The following NAA16 variants were observed in gnomAD, a reference collection of about 807,000 sequenced individuals.
The protein encoded by NAA16 is NARG1-like protein.
A neutral mutation model predicts 110.3 loss-of-function variants in NAA16; 97 were observed. The ratio of observed to expected loss-of-function variants is 0.88; its 90% confidence interval spans 0.75 to 1.04. The LOEUF (loss-of-function observed/expected upper bound fraction) is 1.04. NAA16 is among the 50% of genes least tolerant of loss of function. The probability of loss-of-function intolerance (pLI) is 0.00; values close to 1 mark genes in which losing one functional copy is unlikely to be tolerated. For missense variants in NAA16, 1,017 were observed against 1,005.1 expected, an observed-to-expected ratio of 1.01 and a Z score of -0.16; for synonymous variants, 372 against 330.6, an observed-to-expected ratio of 1.13 and a Z score of -1.36.
Position 41,320,651 on chromosome 13 carries a change from T to C in NAA16, c.245-16T>C, listed in dbSNP as rs778583684. ...TTCTAGTGTCTGTGTATGTCTTTGT[T>C]TCCTTAACTTAATAGGTTGGCATGT... On this transcript the variant is annotated splice_polypyrimidine_tract_variant and intron_variant, in intron 3 of 19. Coordinates refer to ENST00000379406, the MANE Select transcript of NAA16 (RefSeq NM_024561.5). 12 of 1,581,468 alleles carry C rather than the reference T, an allele frequency of 7.6e-6. No individual in the cohort carries two copies. Among genetic ancestry groups the C allele is most frequent in the Non-Finnish European group, 8.6e-6 (10 of 1,166,990 alleles).
intron 10 of NAA16, among the ~76,000 whole-genome samples, chr13:41,357,183 C>T (rs962573673): frequency 8.5e-5 from 13 of 152,104 alleles, no homozygotes; most frequent in African/African-American, 1.2e-4. Context: ...TAGCCACGTT[C>T]GGTGGTTCTC....
intron 8 of NAA16, among the ~76,000 whole-genome samples, chr13:41,334,627 G>A (rs913159173): frequency 4.6e-5 from 7 of 152,132 alleles, no homozygotes; most frequent in African/African-American, 1.4e-4. Flanking sequence ...CATAATAATT[G>A]ATGGAAAAAA....
At chr13:41,367,028 A>T (rs7988913) in intron 13 of NAA16, among the ~76,000 whole-genome samples, 144,248 of 152,272 alleles carry the variant, frequency 0.95, 68,393 homozygotes, top group South Asian at 0.99. Flanking sequence ...TCAGATTTGT[A>T]AATATTTAGT....
chr13:41,369,384 T>G, intron 15 of NAA16, 101 bp downstream of exon 15: 1 of 1,191,162 alleles, frequency 8.4e-7, no homozygotes, highest in Non-Finnish European at 1.1e-6. Context: ...AGAAGCCATT[T>G]GAAATATTTC....
chr13:41,353,768 T>TACACACAC (rs58020530), intron 9 of NAA16, among the ~76,000 whole-genome samples: 3 of 146,746 alleles, frequency 2.0e-5, no homozygotes, highest in East Asian at 4.0e-4. Context: ...CCCTGTCTCT[T>TACACACAC]ACACACACAC....
At chr13:41,340,138 A>G (rs773366517) in intron 9 of NAA16, among the ~76,000 whole-genome samples, 1 of 152,118 alleles carries the variant, frequency 6.6e-6, no homozygotes, top group African/African-American at 2.4e-5. Context: ...TATCCATTAT[A>G]TAGGTGTCCT....
In NAA16 at chr13:41,362,013, T is replaced by A. The variant is rs761479255; in HGVS notation, c.1411-18T>A. 3 of 1,610,440 alleles carry A rather than the reference T, an allele frequency of 1.9e-6. No individual in the cohort carries two copies. In the Admixed American group the frequency reaches 5.1e-5, roughly 27 times the overall value. ...TTTCATTGTTTGCTCTCTATAGTTT[T>A]GAATGCTTCCATTTCAGGAAGGAAC... is the stretch of plus-strand genomic sequence containing the variant. On this transcript the variant is annotated intron_variant, in intron 12 of 19. Transcript: ENST00000379406.
chr13:41,323,335 A>G (rs1224126316), intron 5 of NAA16, 145 bp downstream of exon 5: 1 of 767,734 alleles, frequency 1.3e-6, no homozygotes, highest in Non-Finnish European at 2.1e-6. Context: ...GTTAAAATGT[A>G]GGATTATTTT....
At chr13:41,349,689 G>C (rs191510807) in intron 9 of NAA16, among the ~76,000 whole-genome samples, 1 of 152,236 alleles carries the variant, frequency 6.6e-6, no homozygotes, top group East Asian at 1.9e-4. Context: ...ACGTGGCCGG[G>C]TGTGGTGGCT....
chr13:41,334,431 A>ATT (rs1036100822), intron 8 of NAA16, among the ~76,000 whole-genome samples: 18 of 152,234 alleles, frequency 1.2e-4, no homozygotes, highest in African/African-American at 4.3e-4. Context: ...AATACTAATT[A>ATT]TATTTTGCTC....
At chr13:41,367,397 G>A in intron 13 of NAA16, 42 bp from the exon 14 acceptor site, 1 of 1,354,228 alleles carries the variant, frequency 7.4e-7, no homozygotes, top group East Asian at 2.4e-5. Flanking sequence ...AGACATTATT[G>A]ACATAAATGT....
intron 7 of NAA16, among the ~76,000 whole-genome samples, chr13:41,329,976 G>A (rs1420449805): frequency 6.6e-6 from 1 of 151,826 alleles, no homozygotes; most frequent in Non-Finnish European, 1.5e-5. Flanking sequence ...GCTCCAACTT[G>A]TGACTTTAAG....
intron 5 of NAA16, among the ~76,000 whole-genome samples, chr13:41,325,296 C>G (rs1314796338): frequency 6.6e-6 from 1 of 151,892 alleles, no homozygotes; most frequent in Non-Finnish European, 1.5e-5. Context: ...AATTGTGTCA[C>G]TCACTTTATT....
Position 41,358,865 on chromosome 13 carries a change from A to G in NAA16, c.1313A>G (p.Asp438Gly). 1 of 1,612,590 alleles carries G rather than the reference A, an allele frequency of 6.2e-7. No homozygotes were observed. The highest frequency in any genetic ancestry group is 8.5e-7 in the Non-Finnish European group (1 of 1,178,952). The change falls in exon 12 of 20, where the codon GAC becomes GGC. Residue 438 changes from aspartate to glycine, a missense_variant. Coordinates refer to ENST00000379406, the MANE Select transcript of NAA16 (RefSeq NM_024561.5). The stretch of plus-strand genomic sequence containing the variant: ...TGGATGGATGAAGCACAGTCTTTGG[A>G]CACAGCTGATAGATTCATCAATTCC... ...AKWMDEAQSL[D>G]TADRFINSKC...
In NAA16 at chr13:41,323,044, CTTT is replaced by C; in HGVS notation, c.403-5_403-3del. The C allele has an allele frequency of 6.3e-7, 1 of 1,583,784 alleles. No homozygotes were observed. The highest frequency in any genetic ancestry group is 8.6e-7 in the Non-Finnish European group (1 of 1,157,588). On this transcript the variant is annotated splice_polypyrimidine_tract_variant and intron_variant, in intron 4 of 19. Coordinates refer to ENST00000379406, the MANE Select transcript of NAA16 (RefSeq NM_024561.5). ...TTAGAGAATATTTAGCAAGTTAAAA[CTTT>C]TTTTTTAGGAGACAAGATACCAGCT...
At chr13:41,330,523 C>G (rs2042210638) in intron 7 of NAA16, among the ~76,000 whole-genome samples, 1 of 151,992 alleles carries the variant, frequency 6.6e-6, no homozygotes, top group South Asian at 2.1e-4. Flanking sequence ...TAAAATTCCA[C>G]TATAAATTAT....
Position 41,374,792 on chromosome 13 carries a change from G to A in NAA16, c.2350G>A (p.Ala784Thr). 1 of 1,612,944 alleles carries A rather than the reference G, an allele frequency of 6.2e-7. No individual in the cohort carries two copies. Among genetic ancestry groups the A allele is most frequent in the African/African-American group, 1.3e-5 (1 of 74,978 alleles). ...LDKSRQEKAI[A>T]IATRLDETIK... ...CAAGTCAAGGCAGGAGAAAGCAATTGCTATAGCCACTAGACTAGATGAAAC... is the reference window on the plus strand; with the variant it reads ...CAAGTCAAGGCAGGAGAAAGCAATTACTATAGCCACTAGACTAGATGAAAC... Residue 784 changes from alanine to threonine, a missense_variant, in exon 19 of 20, where the codon GCT becomes ACT. Ala to Thr is a moderately conservative substitution (Grantham distance 58, BLOSUM62 0). Transcript: ENST00000379406.
rs1382620800 is a variant in NAA16 at position 41,375,691 on chromosome 13, A to G, written c.*89A>G. ...GGGTGCATTTTAATATACGTATGAA[A>G]TGAAATATTTGGTTAGGATTTTTAA... On this transcript the variant is annotated 3_prime_UTR_variant, in exon 20 of 20. Coordinates refer to ENST00000379406, the MANE Select transcript of NAA16 (RefSeq NM_024561.5). 14 of 982,308 alleles carry G rather than the reference A, an allele frequency of 1.4e-5. No homozygotes were observed. The highest frequency in any genetic ancestry group is 2.1e-5 in the Non-Finnish European group (14 of 670,646). The allele number at this position is 982,308 out of a possible 1,614,324, so 60.8% of individuals were successfully genotyped here.
chr13:41,335,922 T>A lies in NAA16; in HGVS notation c.908-728T>A, dbSNP rs77513696. On this transcript the variant is annotated intron_variant, in intron 8 of 19. Transcript: ENST00000379406. Reference sequence around the variant, plus strand: ...TGTCCTTATGTATTAGTCCATACTGTCAAAAAATTCTTGTATCTTTGTATT... The same window carrying A: ...TGTCCTTATGTATTAGTCCATACTGACAAAAAATTCTTGTATCTTTGTATT... Among the ~76,000 whole-genome samples the A allele has an allele frequency of 8.1e-3, 1,227 of 152,072 alleles. 17 individuals carry two copies. Among genetic ancestry groups the A allele is most frequent in the African/African-American group, 0.028 (1,165 of 41,502 alleles).
Sources: gnomAD v4.1 joint callset for allele counts (sites outside exome capture counted in the v4.1 genomes callset) on GRCh38, gnomAD v4.1.1 for gene constraint, MANE v1.5 for transcripts, NCBI Gene and HGNC (gene_info 2026-07-23, HGNC 2026-07-21) for gene names.